The following GPD2 variants were observed in gnomAD, a reference collection of about 807,000 sequenced individuals.
GPD2 encodes the protein glycerol-3-phosphate dehydrogenase 2.
A neutral mutation model predicts 82.4 loss-of-function variants in GPD2; 54 were observed. The ratio of observed to expected loss-of-function variants is 0.66; its 90% CI spans 0.53 to 0.82. The LOEUF is 0.82. GPD2 is among the 40% of genes least tolerant of loss of function. The pLI is 0.00. For missense variants in GPD2, 748 were observed against 896.2 expected (o/e 0.83, Z 2.11); for synonymous variants, 288 against 306.1 (o/e 0.94, Z 0.62).
At chr2:156,578,854 T>G (rs757956235) in intron 13 of GPD2, 35 bp from the exon 14 acceptor site, 1 of 1,167,542 alleles carries the variant, frequency 8.6e-7, no homozygotes, top group South Asian at 1.2e-5. Flanking sequence ...AATATTTCCA[T>G]GTGTCTTTGA....
At chr2:156,472,028 A>G (rs1683347252) in intron 1 of GPD2, among the ~76,000 whole-genome samples, 2 of 152,228 alleles carry the variant, frequency 1.3e-5, no homozygotes, top group Admixed American at 1.3e-4. Flanking sequence ...GCTATAAAAC[A>G]TGGATTTGAA....
chr2:156,402,895 G>C, the GPD2 span, among the ~76,000 whole-genome samples: 1 of 151,812 alleles, frequency 6.6e-6, no homozygotes, highest in African/African-American at 2.4e-5. Context: ...TTAGTTCAGG[G>C]CTTCTCAAAG....
intron 6 of GPD2, among the ~76,000 whole-genome samples, chr2:156,519,633 A>C (rs1685323460): frequency 6.6e-6 from 1 of 152,250 alleles, no homozygotes; most frequent in Admixed American, 6.5e-5. Context: ...TAAGTTGTAA[A>C]GTTAGTCATT....
At chr2:156,532,820 A>G (rs1004247271) in intron 6 of GPD2, among the ~76,000 whole-genome samples, 1 of 152,244 alleles carries the variant, frequency 6.6e-6, no homozygotes, top group African/African-American at 2.4e-5. Context: ...TCTGTGACCC[A>G]CATTTGATAT....
rs73018458 is a variant in GPD2, at chr2:156,493,759, G to A, written c.103-2285G>A. On this transcript the variant is annotated intron_variant, in intron 2 of 16. Coordinates refer to ENST00000438166, the MANE Select transcript of GPD2 (RefSeq NM_000408.5). ...TTCTGATGTGTGAAAATGCTCTGGC[G>A]GTTTAGTCACTTGTCAGTCTCATGT... Among the ~76,000 whole-genome samples the A allele has an allele frequency of 1.4e-3, 213 of 152,186 alleles. 1 individual carries two copies. Among genetic ancestry groups the A allele is most frequent in the African/African-American group, 4.6e-3 (189 of 41,516 alleles).
At chr2:156,549,503 G>T in intron 6 of GPD2, 105 bp from the exon 7 acceptor site, 4 of 986,180 alleles carry the variant, frequency 4.1e-6, no homozygotes, top group Non-Finnish European at 4.9e-6. Context: ...GCATATCCTG[G>T]GTGACAGGGA....
intron 6 of GPD2, among the ~76,000 whole-genome samples, chr2:156,544,120 T>C (rs1055211766): frequency 1.3e-5 from 2 of 152,214 alleles, no homozygotes; most frequent in African/African-American, 2.4e-5. Flanking sequence ...TCTTCTGATA[T>C]AGTCTGGGTG....
intron 5 of GPD2, among the ~76,000 whole-genome samples, chr2:156,512,538 C>A (rs984172469): frequency 6.6e-6 from 1 of 152,088 alleles, no homozygotes; most frequent in African/African-American, 2.4e-5. Context: ...CAAAGGAGGT[C>A]GTATTCTGTA....
intron 1 of GPD2, among the ~76,000 whole-genome samples, chr2:156,459,887 G>A (rs1682932790): frequency 6.6e-6 from 1 of 151,896 alleles, no homozygotes; most frequent in Admixed American, 6.6e-5. Context: ...AGTATAATCT[G>A]AAAAACTGGC....
At chr2:156,475,971 T>G (rs1354598825) in intron 1 of GPD2, 127 bp from the exon 2 acceptor site, 1 of 654,184 alleles carries the variant, frequency 1.5e-6, no homozygotes, top group Non-Finnish European at 2.8e-6. Context: ...TGTTAGTAAT[T>G]TCCTTATTTT....
intron 2 of GPD2, among the ~76,000 whole-genome samples, chr2:156,492,892 G>C (rs1684235874): frequency 6.6e-6 from 1 of 152,156 alleles, no homozygotes; most frequent in African/African-American, 2.4e-5. Flanking sequence ...AGAGAAAAAG[G>C]TTTGAGAAGA....
At chr2:156,469,438 T>G (rs2105189600) in intron 1 of GPD2, among the ~76,000 whole-genome samples, 1 of 152,344 alleles carries the variant, frequency 6.6e-6, no homozygotes, top group South Asian at 2.1e-4. Context: ...GTGCTAGGAT[T>G]ACAGGTGTGA....
chr2:156,498,531 T>G (rs1684469609), intron 3 of GPD2, among the ~76,000 whole-genome samples: 2 of 152,212 alleles, frequency 1.3e-5, no homozygotes, highest in Admixed American at 6.5e-5. Context: ...GGAGACAGCA[T>G]GTGTTGTAAT....
intron 1 of GPD2, among the ~76,000 whole-genome samples, chr2:156,442,675 G>A (rs906047120): frequency 1.3e-5 from 2 of 152,024 alleles, no homozygotes; most frequent in Non-Finnish European, 2.9e-5. Flanking sequence ...GCGTCTGGTG[G>A]TGCGTGTCTC....
intron 2 of GPD2, among the ~76,000 whole-genome samples, chr2:156,491,056 C>G (rs1254897830): frequency 6.6e-6 from 1 of 152,114 alleles, no homozygotes; most frequent in African/African-American, 2.4e-5. Flanking sequence ...AGCTGTAGAA[C>G]ATTCCTATCA....
intron 9 of GPD2, among the ~76,000 whole-genome samples, chr2:156,566,295 A>T (rs547571833): frequency 7.2e-5 from 11 of 152,032 alleles, no homozygotes; most frequent in Admixed American, 6.6e-4. Context: ...TCACATTGTC[A>T]TGCAACCATC....
At chr2:156,567,673 A>G (rs1687440993) in intron 9 of GPD2, among the ~76,000 whole-genome samples, 1 of 152,140 alleles carries the variant, frequency 6.6e-6, no homozygotes, top group Non-Finnish European at 1.5e-5. Flanking sequence ...TCTGGTGCCC[A>G]TAGTCAGCTC....
At chr2:156,535,287 GAGAAAGAGAGAGAA>G (rs1211727901) in intron 6 of GPD2, among the ~76,000 whole-genome samples, 1 of 149,478 alleles carries the variant, frequency 6.7e-6, no homozygotes, top group Non-Finnish European at 1.5e-5. Flanking sequence ...GAGAGAGAGA[GAGAAAGAGAGAGAA>G]AGAAAGAGAA....
chr2:156,508,567 G>A lies in GPD2; in HGVS notation c.275-2229G>A, dbSNP rs370635903. 4.1e-4 allele frequency among the ~76,000 whole-genome samples: 63 copies of A among 152,258 alleles called. 2 individuals are homozygous for A. In the South Asian group the frequency reaches 0.013, roughly 32 times the overall value. On this transcript the variant is annotated intron_variant, in intron 3 of 16. Transcript: ENST00000438166. ...TGAGGAAGCTGTGGGCTGTGGGGGAGGCTGCTTGTCCTCTCTCAACCTTGT... is the reference window on the plus strand; with the variant it reads ...TGAGGAAGCTGTGGGCTGTGGGGGAAGCTGCTTGTCCTCTCTCAACCTTGT...
Sources: gnomAD v4.1 joint callset for allele counts (sites outside exome capture counted in the v4.1 genomes callset) on GRCh38, gnomAD v4.1.1 for gene constraint, MANE v1.5 for transcripts, NCBI Gene and HGNC (gene_info 2026-07-23, HGNC 2026-07-21) for gene names.